Variants in BRINP3 observed in about 807,000 individuals in gnomAD.
The protein encoded by BRINP3 is BMP/retinoic acid inducible neural specific 3.
A neutral mutation model predicts 71.0 loss-of-function variants in BRINP3; 19 were observed. The observed-to-expected ratio is 0.27, with a 90% CI of 0.19 to 0.39. BRINP3 has a LOEUF of 0.39. Ranked by LOEUF, BRINP3 falls within the 10% of genes least tolerant of loss-of-function variation. BRINP3 has a pLI of 1.00. For missense variants in BRINP3, 959 were observed against 940.8 expected (o/e 1.02, Z -0.25); for synonymous variants, 380 against 337.7 (o/e 1.13, Z -1.37).
At chr1:190,340,065 T>C (rs1035863182) in intron 2 of BRINP3, among the ~76,000 whole-genome samples, 4 of 151,928 alleles carry the variant, frequency 2.6e-5, no homozygotes, top group African/African-American at 7.2e-5. Flanking sequence ...GCTATTTCTA[T>C]AGCCACACTT....
intron 2 of BRINP3, among the ~76,000 whole-genome samples, chr1:190,376,195 A>G (rs545441132): frequency 2.0e-5 from 3 of 152,064 alleles, no homozygotes; most frequent in African/African-American, 7.2e-5. Context: ...TCTGAGAAAC[A>G]AGACCTAAAC....
At chr1:190,279,382 A>T (rs1662868710) in intron 3 of BRINP3, among the ~76,000 whole-genome samples, 1 of 151,930 alleles carries the variant, frequency 6.6e-6, no homozygotes, top group African/African-American at 2.4e-5. Flanking sequence ...CATTTATACT[A>T]ACCTTTCTAT....
At chr1:190,185,900 A>T (rs1653472663) in intron 6 of BRINP3, among the ~76,000 whole-genome samples, 1 of 152,100 alleles carries the variant, frequency 6.6e-6, no homozygotes, top group South Asian at 2.1e-4. Flanking sequence ...CCTTCTAGCT[A>T]TTTGAAACTA....
intron 7 of BRINP3, among the ~76,000 whole-genome samples, chr1:190,106,650 T>C (rs1242035658): frequency 1.3e-5 from 2 of 151,448 alleles, no homozygotes; most frequent in Non-Finnish European, 3.0e-5. Context: ...TAAAGGATTT[T>C]TAAAAACATA....
chr1:190,380,307 A>G (rs1400115165), intron 2 of BRINP3, among the ~76,000 whole-genome samples: 1 of 152,112 alleles, frequency 6.6e-6, no homozygotes, highest in East Asian at 1.9e-4. Flanking sequence ...AAAAGTGCGG[A>G]AGTCACTGAG....
intron 2 of BRINP3, among the ~76,000 whole-genome samples, chr1:190,386,250 T>TA (rs67379753): frequency 5.4e-5 from 8 of 148,198 alleles, no homozygotes; most frequent in Non-Finnish European, 8.9e-5. Flanking sequence ...AAAAAAAACT[T>TA]AAAAAAAAAA....
At chr1:190,239,510 T>C (rs1013360843) in intron 4 of BRINP3, among the ~76,000 whole-genome samples, 3 of 152,166 alleles carry the variant, frequency 2.0e-5, no homozygotes, top group Non-Finnish European at 4.4e-5. Context: ...GATATAGAAA[T>C]GAGGTAAGAG....
At chr1:190,196,299 T>C (rs910411152) in intron 6 of BRINP3, among the ~76,000 whole-genome samples, 3 of 152,146 alleles carry the variant, frequency 2.0e-5, no homozygotes, top group African/African-American at 7.2e-5. Context: ...CTGTGGCAGA[T>C]AGATTTAGAC....
At chr1:190,233,496 A>C (rs553359136) in intron 5 of BRINP3, among the ~76,000 whole-genome samples, 169 of 152,302 alleles carry the variant, frequency 1.1e-3, no homozygotes, top group African/African-American at 3.1e-3. Context: ...TACATTTTTC[A>C]AGATTGCAAA....
intron 6 of BRINP3, among the ~76,000 whole-genome samples, chr1:190,187,770 T>G (rs1294549022): frequency 6.6e-6 from 1 of 152,100 alleles, no homozygotes; most frequent in Admixed American, 6.6e-5. Flanking sequence ...GTGTTTTTCT[T>G]TTTTTTCTAC....
intron 2 of BRINP3, among the ~76,000 whole-genome samples, chr1:190,394,406 A>C (rs192229969): frequency 6.6e-6 from 1 of 151,482 alleles, no homozygotes; most frequent in Admixed American, 6.6e-5. Flanking sequence ...GGTTTCTTGC[A>C]CTGTTTTTCA....
intron 7 of BRINP3, among the ~76,000 whole-genome samples, chr1:190,156,668 A>C (rs1656894503): frequency 6.6e-6 from 1 of 152,014 alleles, no homozygotes; most frequent in Non-Finnish European, 1.5e-5. Context: ...AGAAGTCTGC[A>C]TTGTTTTTGT....
intron 4 of BRINP3, among the ~76,000 whole-genome samples, chr1:190,260,559 G>C (rs12117417): frequency 6.6e-6 from 1 of 151,228 alleles, no homozygotes; most frequent in African/African-American, 2.4e-5. Context: ...TATATATATA[G>C]AGAGAGAGAG....
At chr1:190,289,846 T>G (rs2102963168) in intron 2 of BRINP3, among the ~76,000 whole-genome samples, 1 of 152,168 alleles carries the variant, frequency 6.6e-6, no homozygotes, top group South Asian at 2.1e-4. Context: ...TTATATGCAC[T>G]CGTGGCACAA....
chr1:190,348,187 C>G (rs979370729), intron 2 of BRINP3, among the ~76,000 whole-genome samples: 4 of 152,080 alleles, frequency 2.6e-5, no homozygotes, highest in Non-Finnish European at 5.9e-5. Context: ...AAAGAAATGA[C>G]TCCCCATGGA....
chr1:190,099,297 TACACACACACACACAC>T (rs56359524), intron 7 of BRINP3, among the ~76,000 whole-genome samples, 163 bp from the exon 8 acceptor site: 2 of 149,332 alleles, frequency 1.3e-5, no homozygotes, highest in Admixed American at 6.7e-5. Flanking sequence ...GACTATATAA[TACACACACACACACAC>T]ACACACACAC....
chr1:190,404,480 C>T (rs1033324437), intron 2 of BRINP3, among the ~76,000 whole-genome samples: 11 of 152,076 alleles, frequency 7.2e-5, no homozygotes, highest in African/African-American at 2.7e-4. Context: ...TTATTGTTTA[C>T]TTTGCTTAAA....
intron 2 of BRINP3, among the ~76,000 whole-genome samples, chr1:190,395,118 A>C (rs1671487607): frequency 6.6e-6 from 1 of 151,678 alleles, no homozygotes; most frequent in South Asian, 2.1e-4. Flanking sequence ...TTCTCATATC[A>C]TTTTTGCCTG....
intron 2 of BRINP3, among the ~76,000 whole-genome samples, chr1:190,333,202 G>T (rs1359198833): frequency 6.6e-6 from 1 of 151,782 alleles, no homozygotes; most frequent in Non-Finnish European, 1.5e-5. Context: ...TTATAGATGA[G>T]AAAATCAATG....
Sources: allele counts gnomAD v4.1 joint callset (sites outside exome capture counted in the v4.1 genomes callset), GRCh38; gene constraint gnomAD v4.1.1; transcripts MANE v1.5; gene names NCBI Gene and HGNC (gene_info 2026-07-23, HGNC 2026-07-21).